BCAR3: variants seen among roughly 807,000 people sequenced by gnomAD.
BCAR3 encodes the protein breast cancer anti-estrogen resistance protein 3.
BCAR3 carries 37 observed loss-of-function variants against 80.1 expected under a neutral mutation model. The observed-to-expected ratio is 0.46, with a 90% CI of 0.36 to 0.61. BCAR3 has a LOEUF of 0.61. BCAR3 is among the 20% of genes least tolerant of loss of function. BCAR3 has a pLI of 0.00. For synonymous variants in BCAR3, 389 were observed against 418.9 expected, an observed-to-expected ratio of 0.93 and a Z score of 0.87; for missense variants, 978 against 1,068.2, an observed-to-expected ratio of 0.92 and a Z score of 1.18.
At chr1:93,807,737 T>G (rs1653703403) in intron 2 of BCAR3, among the ~76,000 whole-genome samples, 1 of 152,158 alleles carries the variant, frequency 6.6e-6, no homozygotes, top group South Asian at 2.1e-4. Context: ...GGAAAGAAGT[T>G]TCCTGGGTCA....
rs774662949 is a variant in BCAR3, at chr1:93,708,830, G to A, written c.-62-2688C>T. Among the ~76,000 whole-genome samples the A allele has an allele frequency of 2.7e-4, 41 of 152,148 alleles. 2 individuals carry two copies. The highest frequency in any genetic ancestry group is 1.3e-3 in the Admixed American group (20 of 15,278). On this transcript the variant is annotated intron_variant, in intron 2 of 13. Transcript: ENST00000370244. ...GGGGTCCTTGGGGCTCCTTTGCCCC[G>A]CCAGGGCTGTGCCAAGGACACAGGC...
intron 3 of BCAR3, among the ~76,000 whole-genome samples, chr1:93,597,740 G>T (rs1277274690): frequency 6.6e-6 from 1 of 152,182 alleles, no homozygotes; most frequent in East Asian, 1.9e-4. Flanking sequence ...TCTGATGCAG[G>T]AGGCTGAGGG....
intron 1 of BCAR3, chr1:93,847,023 G>C (rs370537313): frequency 3.3e-6 from 1 of 303,070 alleles, no homozygotes; most frequent in African/African-American, 2.4e-5. Context: ...GGGCGCGGCG[G>C]CCGGGCGCGA....
At chr1:93,761,305 A>G (rs1651937447) in intron 2 of BCAR3, among the ~76,000 whole-genome samples, 1 of 152,170 alleles carries the variant, frequency 6.6e-6, no homozygotes, top group Non-Finnish European at 1.5e-5. Context: ...AAAAAGTTGG[A>G]ACCAGTGAAC....
At chr1:93,674,533 A>G in intron 2 of BCAR3, 81 bp downstream of exon 2, 2 of 1,460,338 alleles carry the variant, frequency 1.4e-6, no homozygotes, top group Non-Finnish European at 1.9e-6. Flanking sequence ...TACAGGTGTG[A>G]GCCACCACGC....
chr1:93,740,346 G>A (rs2100695172), intron 2 of BCAR3, among the ~76,000 whole-genome samples: 1 of 152,324 alleles, frequency 6.6e-6, no homozygotes, highest in East Asian at 1.9e-4. Context: ...GAGGCTTCCA[G>A]CCTCAGCCAC....
intron 3 of BCAR3, among the ~76,000 whole-genome samples, chr1:93,636,741 C>A (rs1373948332): frequency 6.6e-6 from 1 of 152,046 alleles, no homozygotes; most frequent in Admixed American, 6.6e-5. Context: ...CAGCTTAAAC[C>A]ACCCCTAGAA....
intron 3 of BCAR3, among the ~76,000 whole-genome samples, chr1:93,698,529 C>T (rs191635823): frequency 7.6e-4 from 116 of 152,294 alleles, no homozygotes; most frequent in African/African-American, 2.6e-3. Flanking sequence ...CCCTTCAGGA[C>T]CATCCCACTC....
intron 2 of BCAR3, among the ~76,000 whole-genome samples, chr1:93,652,087 G>A (rs1300628623): frequency 3.3e-5 from 5 of 152,296 alleles, no homozygotes; most frequent in African/African-American, 2.4e-5. Context: ...CTTGAGAGCC[G>A]AGAAAAGGAT....
At chr1:93,571,522 A>G (rs1673215589) in intron 9 of BCAR3, 148 bp downstream of exon 9, 2 of 1,028,150 alleles carry the variant, frequency 1.9e-6, no homozygotes, top group African/African-American at 3.2e-5. Flanking sequence ...TAGACCCCAA[A>G]TACTTAGGAC....
intron 2 of BCAR3, among the ~76,000 whole-genome samples, chr1:93,808,374 C>T (rs1293462050): frequency 6.6e-6 from 1 of 152,022 alleles, no homozygotes; most frequent in East Asian, 1.9e-4. Flanking sequence ...TAGTATTTGA[C>T]CTAGAATTTT....
intron 2 of BCAR3, among the ~76,000 whole-genome samples, chr1:93,732,157 A>G (rs1269387156): frequency 6.6e-6 from 1 of 152,240 alleles, no homozygotes. Flanking sequence ...CACAGTGTGG[A>G]GCCAAAATTA....
chr1:93,777,360 C>CTCTTCTTCTTCTTCCTCCTCT (rs1652592562), intron 2 of BCAR3, among the ~76,000 whole-genome samples: 1 of 120,732 alleles, frequency 8.3e-6, no homozygotes, highest in African/African-American at 3.4e-5. Context: ...CTTCTTCCTC[C>CTCTTCTTCTTCTTCCTCCTCT]TCTTCTTCTT....
intron 2 of BCAR3, among the ~76,000 whole-genome samples, chr1:93,761,300 G>A (rs1425792930): frequency 6.6e-6 from 1 of 152,130 alleles, no homozygotes; most frequent in Admixed American, 6.5e-5. Flanking sequence ...TCTTTAAAAA[G>A]TTGGAACCAG....
chr1:93,760,389 G>C (rs905007306), intron 2 of BCAR3, among the ~76,000 whole-genome samples: 8 of 152,162 alleles, frequency 5.3e-5, no homozygotes, highest in African/African-American at 1.7e-4. Flanking sequence ...GAGACTCAAT[G>C]AGAAGTGGGG....
At chr1:93,573,565 G>A (rs1418091232) in intron 8 of BCAR3, among the ~76,000 whole-genome samples, 1 of 148,384 alleles carries the variant, frequency 6.7e-6, no homozygotes, top group Non-Finnish European at 1.5e-5. Context: ...CTCCTGATTT[G>A]TCTTTCTCAA....
In BCAR3 at chr1:93,598,249, G is replaced by A. The variant is rs1054455151; in HGVS notation, c.358-5856C>T. ...CACAGGAGATTCGAGTTCTGAAGAC[G>A]GGACGGGGAGGGGTGCACTTGGGCG... On this transcript the variant is annotated intron_variant, in intron 3 of 11. Transcript: ENST00000260502. 2.6e-5 allele frequency among the ~76,000 whole-genome samples: 4 copies of A among 152,186 alleles called. No individual in the cohort carries two copies. In the South Asian group the frequency reaches 6.2e-4, roughly 24 times the overall value.
intron 2 of BCAR3, among the ~76,000 whole-genome samples, chr1:93,755,393 C>T (rs1245150891): frequency 6.6e-6 from 1 of 152,212 alleles, no homozygotes; most frequent in African/African-American, 2.4e-5. Flanking sequence ...GAACAACTTC[C>T]AGTCCTGCAA....
intron 2 of BCAR3, among the ~76,000 whole-genome samples, chr1:93,748,485 C>A (rs1172942666): frequency 6.6e-6 from 1 of 152,198 alleles, no homozygotes; most frequent in Non-Finnish European, 1.5e-5. Flanking sequence ...TCCCTTGGAT[C>A]AGATACTTTG....
Sources: allele counts gnomAD v4.1 joint callset (sites outside exome capture counted in the v4.1 genomes callset), GRCh38; gene constraint gnomAD v4.1.1; transcripts MANE v1.5; gene names NCBI Gene and HGNC (gene_info 2026-07-23, HGNC 2026-07-21).